The following CLEC2L variants were observed in gnomAD, a reference collection of about 807,000 sequenced individuals.
CLEC2L encodes the protein C-type lectin domain family 2 member L.
Under a neutral mutation model 23.6 loss-of-function variants are expected in CLEC2L, and 14 were observed. That is an observed-to-expected ratio of 0.59 (90% confidence interval 0.39 to 0.93). The LOEUF (loss-of-function observed/expected upper bound fraction) is 0.93, where lower values mean the gene tolerates loss of function less well. CLEC2L is among the 40% of genes least tolerant of loss of function. CLEC2L has a pLI of 0.00. For missense variants in CLEC2L, 264 were observed against 282.4 expected, an observed-to-expected ratio of 0.93 and a Z score of 0.47; for synonymous variants, 114 against 121.3, an observed-to-expected ratio of 0.94 and a Z score of 0.40.
chr7:139,524,283 G>C (rs995279493), intron 1 of CLEC2L, among the ~76,000 whole-genome samples, 166 bp downstream of exon 1: 2 of 149,784 alleles, frequency 1.3e-5, no homozygotes, highest in Non-Finnish European at 3.0e-5. Flanking sequence ...GCCAGACGCC[G>C]GTTCGTGGGG....
Position 139,536,695 on chromosome 7 carries a change from C to A in CLEC2L, c.265+347C>A, listed in dbSNP as rs768542916. Among the ~76,000 whole-genome samples, 125 of 152,140 alleles carry A rather than the reference C, an allele frequency of 8.2e-4. 1 individual carries two copies. Among genetic ancestry groups the A allele is most frequent in the Middle Eastern group, 6.8e-3 (2 of 294 alleles). ...AAGGGCCTTTAAGGATCATATTCGG[C>A]CGGGCGCAGTGGCTCACGCCTGTAA... On this transcript the variant is annotated intron_variant, in intron 2 of 4. Transcript: ENST00000422142.
intron 1 of CLEC2L, chr7:139,534,295 T>A: frequency 6.8e-7 from 1 of 1,472,314 alleles, no homozygotes; most frequent in Non-Finnish European, 9.5e-7. Flanking sequence ...AGGCAGAACT[T>A]ATGCTGACTA....
At chr7:139,538,039 A>G (rs1797683643) in intron 2 of CLEC2L, among the ~76,000 whole-genome samples, 1 of 152,224 alleles carries the variant, frequency 6.6e-6, no homozygotes, top group South Asian at 2.1e-4. Flanking sequence ...CAGAGGTGGA[A>G]TCCACAAAAT....
At chr7:139,527,696 T>C (rs7792622) in intron 1 of CLEC2L, among the ~76,000 whole-genome samples, 23,729 of 152,004 alleles carry the variant, frequency 0.16, 4,580 homozygotes, top group African/African-American at 0.46. Context: ...CCTGGGGGTA[T>C]GGGAGAGGGG....
intron 1 of CLEC2L, chr7:139,534,150 T>C: frequency 1.5e-6 from 1 of 663,382 alleles, no homozygotes; most frequent in Admixed American, 2.2e-5. Flanking sequence ...TGTAAAATTA[T>C]GCAACCAATG....
At chr7:139,524,282 C>T (rs962805948) in intron 1 of CLEC2L, among the ~76,000 whole-genome samples, 165 bp downstream of exon 1, 1 of 120,124 alleles carries the variant, frequency 8.3e-6, no homozygotes, top group African/African-American at 3.1e-5. Context: ...GGCCAGACGC[C>T]GGTTCGTGGG....
Position 139,539,992 on chromosome 7 carries a change from A to G in CLEC2L, c.266-329A>G, listed in dbSNP as rs564666327. 7.1e-5 allele frequency: 22 copies of G among 310,574 alleles called. No individual in the cohort carries two copies. The highest frequency in any genetic ancestry group is 4.9e-4 in the Admixed American group (11 of 22,530). 19.2% of individuals were successfully genotyped at this position (310,574 alleles called of 1,614,324 possible). A position where few individuals can be genotyped will look rare whatever the true frequency, so the allele number is the denominator to read the frequency against. ...TGCTGTTGGTACCTGGCCTAGCTGGAAGGAGAGGACACATAGCCGCCAGAC... is the reference window on the plus strand; with the variant it reads ...TGCTGTTGGTACCTGGCCTAGCTGGGAGGAGAGGACACATAGCCGCCAGAC... On this transcript the variant is annotated intron_variant, in intron 2 of 4. Coordinates refer to ENST00000422142, the MANE Select transcript of CLEC2L (RefSeq NM_001080511.4). This position sits in a 1 kb window ranked among gnomAD's most constrained non-coding sequence, Gnocchi z 4.1.
chr7:139,527,879 GT>G (rs1160262682), intron 1 of CLEC2L, among the ~76,000 whole-genome samples: 1 of 152,196 alleles, frequency 6.6e-6, no homozygotes, highest in Non-Finnish European at 1.5e-5. Flanking sequence ...ACATTTGGTA[GT>G]TTTTAACAGT....
chr7:139,536,953 G>C (rs1219952697), intron 2 of CLEC2L, among the ~76,000 whole-genome samples: 1 of 145,388 alleles, frequency 6.9e-6, no homozygotes, highest in Non-Finnish European at 1.5e-5. Flanking sequence ...CTCCACCCTG[G>C]GCGACAGAGA....
intron 1 of CLEC2L, among the ~76,000 whole-genome samples, chr7:139,524,814 C>T (rs1021239880): frequency 1.3e-5 from 2 of 152,158 alleles, no homozygotes; most frequent in African/African-American, 4.8e-5. Context: ...GGGTGGCTGG[C>T]CCTTTGGGTG....
In CLEC2L at chr7:139,540,591, A is replaced by T; in HGVS notation, c.432+104A>T. ...AGTAAAGGATGCAGTGTTCCCTGTG[A>T]CACGTCTCCAAAGCCGCCCACCTGC... On this transcript the variant is annotated intron_variant, in intron 3 of 4. Coordinates refer to ENST00000422142, the MANE Select transcript of CLEC2L (RefSeq NM_001080511.4). The surrounding 1 kb of genome is among the most constrained non-coding windows in gnomAD (Gnocchi z 5.8). 7.3e-7 allele frequency: 1 copy of T among 1,361,680 alleles called. No individual in the cohort carries two copies. The highest frequency in any genetic ancestry group is 1.5e-5 in the African/African-American group (1 of 68,802). The allele number at this position is 1,361,680 out of a possible 1,614,324, so 84.3% of individuals were successfully genotyped here.
rs113479654 is a variant in CLEC2L, at chr7:139,539,039, C to G, written c.266-1282C>G. 1 of 152,114 alleles carries G rather than the reference C, an allele frequency of 6.6e-6. No homozygotes were observed. Among genetic ancestry groups the G allele is most frequent in the African/African-American group, 2.4e-5 (1 of 41,402 alleles). The allele number at this position is 152,114 out of a possible 1,614,324, so 9.4% of individuals were successfully genotyped here. A position where few individuals can be genotyped will look rare whatever the true frequency, so the allele number is the denominator to read the frequency against. On this transcript the variant is annotated intron_variant, in intron 2 of 4. Coordinates refer to ENST00000422142, the MANE Select transcript of CLEC2L (RefSeq NM_001080511.4). This position sits in a 1 kb window ranked among gnomAD's most constrained non-coding sequence, Gnocchi z 4.1. ...AACAGATATATATGCCAGGGGGTGTCGATGAATGAATTGGTGTCTGTGTGG... is the reference window on the plus strand; with the variant it reads ...AACAGATATATATGCCAGGGGGTGTGGATGAATGAATTGGTGTCTGTGTGG...
In CLEC2L at chr7:139,544,805, C is replaced by T. The variant is rs1235457240; in HGVS notation, c.*463C>T. 1 of 153,394 alleles carries T rather than the reference C, an allele frequency of 6.5e-6. No homozygotes were observed. Among genetic ancestry groups the T allele is most frequent in the African/African-American group, 2.4e-5 (1 of 41,438 alleles). The allele number at this position is 153,394 out of a possible 1,614,324, so 9.5% of individuals were successfully genotyped here. On this transcript the variant is annotated 3_prime_UTR_variant, in exon 5 of 5. Coordinates refer to ENST00000422142, the MANE Select transcript of CLEC2L (RefSeq NM_001080511.4). Reference sequence around the variant, plus strand: ...GCTTCCCCACTGGTTTCTCTCCTGGCTGCCGGCGGAGGTAGGCTGGGAAAG... The same window carrying T: ...GCTTCCCCACTGGTTTCTCTCCTGGTTGCCGGCGGAGGTAGGCTGGGAAAG...
chr7:139,528,447 A>G (rs950562012), intron 1 of CLEC2L, among the ~76,000 whole-genome samples: 2 of 152,206 alleles, frequency 1.3e-5, no homozygotes, highest in Admixed American at 1.3e-4. Context: ...CTTCACAATC[A>G]TGAAGGAAGG....
At chr7:139,527,608 G>A (rs138375462) in intron 1 of CLEC2L, among the ~76,000 whole-genome samples, 9 of 152,220 alleles carry the variant, frequency 5.9e-5, no homozygotes, top group Non-Finnish European at 1.3e-4. Flanking sequence ...CGGAGAGCCC[G>A]CCTGGGTTCT....
chr7:139,536,409 T>C lies in CLEC2L; in HGVS notation c.265+61T>C, dbSNP rs373884806. On this transcript the variant is annotated intron_variant, in intron 2 of 4. Transcript: ENST00000422142. ...TTGCACATTCCTTGTTAAAAGCACG[T>C]CTAATTAGTTAAAGAAAGATTCTAG... 971 of 1,391,034 alleles carry C rather than the reference T, an allele frequency of 7.0e-4. 2 individuals carry two copies. Among genetic ancestry groups the C allele is most frequent in the Non-Finnish European group, 9.2e-4 (924 of 1,004,682 alleles). 86.2% of individuals were successfully genotyped at this position (1,391,034 alleles called of 1,614,324 possible). A position where few individuals can be genotyped will look rare whatever the true frequency, so the allele number is the denominator to read the frequency against.
chr7:139,541,788 G>A (rs181719343), intron 3 of CLEC2L, among the ~76,000 whole-genome samples: 1 of 152,348 alleles, frequency 6.6e-6, no homozygotes, highest in Admixed American at 6.5e-5. Flanking sequence ...CAAGCTGTCG[G>A]AGGCAACTGC....
chr7:139,525,559 G>A (rs528472113), intron 1 of CLEC2L, among the ~76,000 whole-genome samples: 5 of 152,260 alleles, frequency 3.3e-5, no homozygotes, highest in Admixed American at 2.0e-4. Flanking sequence ...CCCCCGTGAC[G>A]CTGTCTCCGG....
rs550225861 is a variant in CLEC2L at position 139,541,315 on chromosome 7, C to T, written c.433-706C>T. Among the ~76,000 whole-genome samples, 4 of 150,474 alleles carry T rather than the reference C, an allele frequency of 2.7e-5. 2 individuals carry two copies. In the South Asian group the frequency reaches 8.3e-4, roughly 31 times the overall value. ...TGAGCTACCGTGCCCAGCCACAAGA[C>T]TTGTCTCTTAAGGAAAAAAAAAAAG... On this transcript the variant is annotated intron_variant, in intron 3 of 4. Coordinates refer to ENST00000422142, the MANE Select transcript of CLEC2L (RefSeq NM_001080511.4).
Sources: gnomAD v4.1 joint callset for allele counts (sites outside exome capture counted in the v4.1 genomes callset) on GRCh38, gnomAD v4.1.1 for gene constraint, Gnocchi (gnomAD v3.1) non-coding constraint, MANE v1.5 for transcripts, NCBI Gene and HGNC (gene_info 2026-07-23, HGNC 2026-07-21) for gene names.